Variants in WDR33 observed in about 807,000 individuals in gnomAD.
WDR33 encodes WD repeat domain 33, also known as pre-mRNA 3' end processing protein WDR33.
WDR33 carries 47 observed loss-of-function variants against 164.9 expected under a neutral mutation model. The observed-to-expected ratio is 0.29, with a 90% CI of 0.23 to 0.36. The LOEUF is 0.36. WDR33 is among the 10% of genes least tolerant of loss of function. The pLI is 1.00. For missense variants in WDR33, 1,137 were observed against 1,754.1 expected (o/e 0.65, Z 6.28); for synonymous variants, 505 against 589.0 (o/e 0.86, Z 2.06).
In WDR33 at chr2:127,719,195, T is replaced by A. The variant is rs1686364950; in HGVS notation, c.2760+70A>T. The stretch of plus-strand genomic sequence containing the variant: ...ATCCAGCTGTGACCATTTTCCACAA[T>A]ACTCAGCAGTATTACTTCTGTGCAG... On this transcript the variant is annotated intron_variant, in intron 16 of 21. Coordinates refer to ENST00000322313, the MANE Select transcript of WDR33 (RefSeq NM_018383.5). The surrounding 1 kb of genome is among the most constrained non-coding windows in gnomAD (Gnocchi z 6.5). The A allele has an allele frequency of 7.5e-7, 1 of 1,337,538 alleles. No individual in the cohort carries two copies. Among genetic ancestry groups the A allele is most frequent in the African/African-American group, 1.5e-5 (1 of 67,180 alleles). The allele number at this position is 1,337,538 out of a possible 1,614,324, so 82.9% of individuals were successfully genotyped here. A position where few individuals can be genotyped will look rare whatever the true frequency, so the allele number is the denominator to read the frequency against.
rs1573936325 is a variant in WDR33 at position 127,770,877 on chromosome 2, C to T, written c.105G>A (p.Gln35=). 4 of 1,614,068 alleles carry T rather than the reference C, an allele frequency of 2.5e-6. No homozygotes were observed. Among genetic ancestry groups the T allele is most frequent in the Non-Finnish European group, 3.4e-6 (4 of 1,180,006 alleles). ...CAAAAGTAAGCTGTTGCATTGCTTG[C>T]TGTTGTGCAAAATCAGGTCGCTTAT... ...LFYKRPDFAQ[Q]QAMQQLTFDG... is the part of the protein sequence containing the mutation. The change falls in exon 2 of 22, where the codon CAG becomes CAA. Residue 35 remains glutamine (Q), a synonymous_variant. Transcript: ENST00000322313. The surrounding 1 kb of genome is among the most constrained non-coding windows in gnomAD (Gnocchi z 4.9).
In WDR33 at chr2:127,764,950, C is replaced by A. The variant is rs767308190; in HGVS notation, c.504G>T (p.Thr168=). 6.2e-7 allele frequency: 1 copy of A among 1,614,136 alleles called. No homozygotes were observed. The highest frequency in any genetic ancestry group is 8.5e-7 in the Non-Finnish European group (1 of 1,180,026). ...QAHDSPVRAM[T]WSHNDMWMLT... is the part of the protein sequence containing the mutation. ...ACATCCACATGTCATTATGTGACCA[C>A]GTCATGGCCCTCACTGGGCTGTCGT... is the stretch of plus-strand genomic sequence containing the variant. The change falls in exon 6 of 22, where the codon ACG becomes ACT. Residue 168 remains threonine, a synonymous_variant. Coordinates refer to ENST00000322313, the MANE Select transcript of WDR33 (RefSeq NM_018383.5). The surrounding 1 kb of genome is among the most constrained non-coding windows in gnomAD (Gnocchi z 6.2).
At chr2:127,791,205 C>G (rs1229150664) in intron 1 of WDR33, among the ~76,000 whole-genome samples, 1 of 129,666 alleles carries the variant, frequency 7.7e-6, no homozygotes, top group African/African-American at 2.9e-5. Context: ...GTCACCCAGG[C>G]TGCAAGACAG....
rs1483849301 is a variant in WDR33, at chr2:127,701,972, C to G, written c.*4351G>C. On this transcript the variant is annotated 3_prime_UTR_variant, in exon 22 of 22. Coordinates refer to ENST00000322313, the MANE Select transcript of WDR33 (RefSeq NM_018383.5). ...AAGCGCCGTCCCGGCCCGCGCTGCT[C>G]TACATGGCAGCGCTGGGCGCCACGC... The G allele has an allele frequency of 5.1e-6, 7 of 1,379,582 alleles. No individual in the cohort carries two copies. The highest frequency in any genetic ancestry group is 6.5e-6 in the Non-Finnish European group (7 of 1,072,258). The allele number at this position is 1,379,582 out of a possible 1,614,324, so 85.5% of individuals were successfully genotyped here. A position where few individuals can be genotyped will look rare whatever the true frequency, so the allele number is the denominator to read the frequency against.
intron 1 of WDR33, among the ~76,000 whole-genome samples, chr2:127,795,061 GA>G (rs1260388494): frequency 1.3e-5 from 2 of 150,406 alleles, no homozygotes; most frequent in Non-Finnish European, 2.9e-5. Flanking sequence ...GGTGAACATG[GA>G]ATCTGTACAA....
Position 127,722,039 on chromosome 2 carries a change from T to C in WDR33, c.1519-51A>G, listed in dbSNP as rs374293143. On this transcript the variant is annotated intron_variant, in intron 14 of 21. Coordinates refer to ENST00000322313, the MANE Select transcript of WDR33 (RefSeq NM_018383.5). This position sits in a 1 kb window ranked among gnomAD's most constrained non-coding sequence, Gnocchi z 5.1. ...TGTACGCTAAGTATGAAAATTACAA[T>C]GATAGAATGAGAAAACCACTCTACA... is the stretch of plus-strand genomic sequence containing the variant. 2.1e-4 allele frequency: 340 copies of C among 1,584,572 alleles called. No individual in the cohort carries two copies. Among genetic ancestry groups the C allele is most frequent in the Non-Finnish European group, 2.8e-4 (325 of 1,169,704 alleles).
chr2:127,803,855 G>C (rs1558965974), intron 1 of WDR33, among the ~76,000 whole-genome samples: 1 of 151,344 alleles, frequency 6.6e-6, no homozygotes, highest in Non-Finnish European at 1.5e-5. Flanking sequence ...GACTGAGGTA[G>C]GAGAATCACT....
rs1164199964 is a variant in WDR33, at chr2:127,703,708, G to A, written c.*2615C>T. 2 of 167,000 alleles carry A rather than the reference G, an allele frequency of 1.2e-5. No homozygotes were observed. Among genetic ancestry groups the A allele is most frequent in the Non-Finnish European group, 2.9e-5 (2 of 68,108 alleles). The allele number at this position is 167,000 out of a possible 1,614,324, so 10.3% of individuals were successfully genotyped here. Reference sequence around the variant, plus strand: ...ATTAATTGTAAAGACTTGTGCCATTGGCTGCTCTTTCTAGTCCCCTAAATT... The same window carrying A: ...ATTAATTGTAAAGACTTGTGCCATTAGCTGCTCTTTCTAGTCCCCTAAATT... On this transcript the variant is annotated 3_prime_UTR_variant, in exon 22 of 22. Coordinates refer to ENST00000322313, the MANE Select transcript of WDR33 (RefSeq NM_018383.5).
intron 7 of WDR33, chr2:127,762,683 C>A: frequency 2.0e-6 from 2 of 1,013,832 alleles, no homozygotes; most frequent in Non-Finnish European, 2.4e-6. Context: ...TCGGTTAATT[C>A]ATATTGTAAA....
At chr2:127,765,794 T>TAAAA (rs769820035) in intron 4 of WDR33, among the ~76,000 whole-genome samples, 1 of 135,802 alleles carries the variant, frequency 7.4e-6, no homozygotes, top group Admixed American at 7.5e-5. Context: ...TAAACATATT[T>TAAAA]AAAAAAAAAA....
rs1686084841 is a variant in WDR33 at position 127,708,931 on chromosome 2, T to C, written c.3566-39A>G. On this transcript the variant is annotated intron_variant, in intron 20 of 21. Coordinates refer to ENST00000322313, the MANE Select transcript of WDR33 (RefSeq NM_018383.5). The surrounding 1 kb of genome is among the most constrained non-coding windows in gnomAD (Gnocchi z 6.7). ...CAAATCTCCTTACAGGAAAGCACAG[T>C]GTGACCAGAAGTAGATGGGAATGAC... The C allele has an allele frequency of 1.3e-6, 2 of 1,507,708 alleles. No individual in the cohort carries two copies. Among genetic ancestry groups the C allele is most frequent in the Non-Finnish European group, 1.8e-6 (2 of 1,122,828 alleles). The allele number at this position is 1,507,708 out of a possible 1,614,324, so 93.4% of individuals were successfully genotyped here.
At chr2:127,804,297 C>T (rs1007742140) in intron 1 of WDR33, among the ~76,000 whole-genome samples, 9 of 151,614 alleles carry the variant, frequency 5.9e-5, no homozygotes, top group Non-Finnish European at 1.3e-4. Context: ...GGAGACAGAG[C>T]GAGACTCTGT....
rs1282831356 is a variant in WDR33, at chr2:127,708,618, GGCAAGGCCTCCATCGGCCCCT to G, written c.3781+38_3781+58del. On this transcript the variant is annotated intron_variant, in intron 21 of 21. Coordinates refer to ENST00000322313, the MANE Select transcript of WDR33 (RefSeq NM_018383.5). This position sits in a 1 kb window ranked among gnomAD's most constrained non-coding sequence, Gnocchi z 6.7. ...TGCAAGGGCATGTGCAGCAGATACA[GGCAAGGCCTCCATCGGCCCCT>G]GCATCTCCTGGAACCATAACCACTG... 7.3e-6 allele frequency: 11 copies of G among 1,504,944 alleles called. No homozygotes were observed. In the Admixed American group the frequency reaches 1.9e-4, roughly 26 times the overall value. The allele number at this position is 1,504,944 out of a possible 1,614,324, so 93.2% of individuals were successfully genotyped here. A position where few individuals can be genotyped will look rare whatever the true frequency, so the allele number is the denominator to read the frequency against.
At chr2:127,791,159 A>ACC (rs1270529963) in intron 1 of WDR33, among the ~76,000 whole-genome samples, 58 of 34,360 alleles carry the variant, frequency 1.7e-3, no homozygotes, top group Middle Eastern at 0.014. Context: ...CTCTTTCCCC[A>ACC]CCCCACCCCC....
intron 7 of WDR33, chr2:127,736,515 GA>G: frequency 1.0e-6 from 1 of 985,424 alleles, no homozygotes; most frequent in Non-Finnish European, 1.2e-6. Context: ...TAAAAAGGTA[GA>G]TGCACCATAA....
intron 1 of WDR33, chr2:127,810,698 T>A (rs955078781): frequency 6.6e-6 from 1 of 152,304 alleles, no homozygotes; most frequent in Non-Finnish European, 1.5e-5. Flanking sequence ...CAAACCTCAG[T>A]TAAAATGCAT....
rs763349717 is a variant in WDR33, at chr2:127,708,882, A to C, written c.3576T>G (p.His1192Gln). The change falls in exon 21 of 22, where the codon CAT becomes CAG. Residue 1192 changes from histidine (H) to glutamine (Q), a missense_variant. Physicochemically the swap from His to Gln is conservative, Grantham distance 24. Coordinates refer to ENST00000322313, the MANE Select transcript of WDR33 (RefSeq NM_018383.5). This position sits in a 1 kb window ranked among gnomAD's most constrained non-coding sequence, Gnocchi z 6.7. Reference sequence around the variant, plus strand: ...GGCGGGGAGTATCACGAAAATGTTCATGACCTGGCCCTGAAACAAGAAACA... The same window carrying C: ...GGCGGGGAGTATCACGAAAATGTTCCTGACCTGGCCCTGAAACAAGAAACA... ...WDGNREPGPG[H>Q]EHFRDTPRPD... 1 of 1,566,334 alleles carries C rather than the reference A, an allele frequency of 6.4e-7. No individual in the cohort carries two copies. The highest frequency in any genetic ancestry group is 1.4e-5 in the African/African-American group (1 of 73,836).
intron 1 of WDR33, among the ~76,000 whole-genome samples, chr2:127,786,238 T>C (rs1290100536): frequency 6.6e-6 from 1 of 152,164 alleles, no homozygotes; most frequent in Non-Finnish European, 1.5e-5. Flanking sequence ...TCTCACTGTG[T>C]TGTCCAGGCT....
At chr2:127,757,794 T>A (rs1687560994) in intron 7 of WDR33, among the ~76,000 whole-genome samples, 1 of 152,240 alleles carries the variant, frequency 6.6e-6, no homozygotes, top group East Asian at 1.9e-4. Context: ...AGCACCCATT[T>A]TTTGGAACAT....
Sources: gnomAD v4.1 joint callset for allele counts (sites outside exome capture counted in the v4.1 genomes callset) on GRCh38, gnomAD v4.1.1 for gene constraint, Gnocchi (gnomAD v3.1) non-coding constraint, MANE v1.5 for transcripts, NCBI Gene and HGNC (gene_info 2026-07-23, HGNC 2026-07-21) for gene names.